RIMS2: variants seen among roughly 807,000 people sequenced by gnomAD.
The protein encoded by RIMS2 is regulating synaptic membrane exocytosis 2.
In RIMS2, 59 loss-of-function variants were observed where a neutral mutation model predicts 174.4. That is an observed-to-expected ratio of 0.34 (90% CI 0.27 to 0.42). RIMS2 has a LOEUF of 0.42. Ranked by LOEUF, RIMS2 falls within the 10% of genes least tolerant of loss-of-function variation. The pLI is 1.00. For missense variants in RIMS2, 1,620 were observed against 1,666.3 expected (o/e 0.97, Z 0.48); for synonymous variants, 606 against 572.5 (o/e 1.06, Z -0.84).
intron 14 of RIMS2, among the ~76,000 whole-genome samples, chr8:103,959,958 G>C (rs1004121744): frequency 1.3e-5 from 2 of 152,054 alleles, no homozygotes. Context: ...AGAAGCAAGA[G>C]CAAACACATT....
At chr8:103,568,807 C>T (rs777897230) in intron 1 of RIMS2, 28 of 1,126,532 alleles carry the variant, frequency 2.5e-5, no homozygotes, top group Non-Finnish European at 3.6e-5. Context: ...GCAATCAGTG[C>T]TATAAGAAGC....
chr8:103,952,091 G>A lies in RIMS2; in HGVS notation c.2702-8974G>A, dbSNP rs374838749. 2.5e-3 allele frequency among the ~76,000 whole-genome samples: 383 copies of A among 152,312 alleles called. 3 individuals are homozygous for A. Among genetic ancestry groups the A allele is most frequent in the South Asian group, 9.9e-3 (48 of 4,828 alleles). On this transcript the variant is annotated intron_variant, in intron 14 of 23. Coordinates refer to ENST00000504942, the Ensembl canonical transcript of RIMS2. The stretch of plus-strand genomic sequence containing the variant: ...TGGGAAGGGCATCTCTGAAAAAAAG[G>A]CAGCAGCCCCAGTCAGGGACTTACG...
intron 1 of RIMS2, among the ~76,000 whole-genome samples, chr8:103,520,944 C>T (rs147038068): frequency 3.0e-4 from 46 of 151,894 alleles, no homozygotes; most frequent in African/African-American, 9.7e-4. Context: ...TTTATCCTTG[C>T]GATAGTTTGC....
chr8:103,992,018 C>T (rs1272313007), intron 17 of RIMS2, among the ~76,000 whole-genome samples: 1 of 152,112 alleles, frequency 6.6e-6, no homozygotes, highest in Non-Finnish European at 1.5e-5. Context: ...AGGATATATT[C>T]ACTTGCAAAT....
intron 19 of RIMS2, among the ~76,000 whole-genome samples, chr8:104,145,857 A>G (rs1287805061): frequency 6.6e-6 from 1 of 151,478 alleles, no homozygotes; most frequent in Non-Finnish European, 1.5e-5. Flanking sequence ...GCGAAACTCC[A>G]TCTCAAAAAA....
intron 19 of RIMS2, among the ~76,000 whole-genome samples, chr8:104,197,123 TTTG>T (rs2099028700): frequency 6.6e-6 from 1 of 152,170 alleles, no homozygotes; most frequent in Admixed American, 6.5e-5. Context: ...GATGGTATGT[TTTG>T]TTCTTAGGTT....
At chr8:104,167,347 T>C (rs574909375) in intron 19 of RIMS2, among the ~76,000 whole-genome samples, 1 of 152,322 alleles carries the variant, frequency 6.6e-6, no homozygotes, top group African/African-American at 2.4e-5. Context: ...ATATTGTTTA[T>C]TGACTTTTTA....
chr8:104,208,930 G>A lies in RIMS2; in HGVS notation c.3335-35986G>A, dbSNP rs539250931. ...AAGTGAAGCTGAAAAGAAAAATTAC[G>A]TAATTTTAAGATTTAATACAGTCTA... On this transcript the variant is annotated intron_variant, in intron 19 of 23. Transcript: ENST00000504942. Among the ~76,000 whole-genome samples, 23 of 152,268 alleles carry A rather than the reference G, an allele frequency of 1.5e-4. No individual in the cohort carries two copies. The East Asian group carries it at 3.5e-3, about 23-fold the overall frequency.
chr8:103,587,810 A>G (rs933660894), intron 1 of RIMS2, among the ~76,000 whole-genome samples: 2 of 152,032 alleles, frequency 1.3e-5, no homozygotes, highest in Non-Finnish European at 2.9e-5. Flanking sequence ...ATACTGAATG[A>G]GGAACAACTG....
At chr8:104,003,507 A>G (rs539833841) in intron 17 of RIMS2, among the ~76,000 whole-genome samples, 233 of 151,288 alleles carry the variant, frequency 1.5e-3, no homozygotes, top group Non-Finnish European at 2.5e-3. Flanking sequence ...TCCACCTCCC[A>G]GGTTCAAGCG....
intron 3 of RIMS2, among the ~76,000 whole-genome samples, chr8:103,830,372 TA>T (rs2098817935): frequency 1.3e-5 from 2 of 152,202 alleles, no homozygotes; most frequent in Admixed American, 1.3e-4. Flanking sequence ...ACATTTAATT[TA>T]AAAATAAAAT....
chr8:104,172,764 G>C (rs1455382140), intron 19 of RIMS2, among the ~76,000 whole-genome samples: 1 of 152,210 alleles, frequency 6.6e-6, no homozygotes. Context: ...TGAAGATGTA[G>C]AAGAGGATAT....
chr8:103,801,863 C>T (rs2098610360), intron 3 of RIMS2, among the ~76,000 whole-genome samples: 1 of 152,190 alleles, frequency 6.6e-6, no homozygotes, highest in Non-Finnish European at 1.5e-5. Flanking sequence ...ATGCCAATAT[C>T]CAATGTCATA....
intron 1 of RIMS2, among the ~76,000 whole-genome samples, chr8:103,529,619 TCTGCACCCACGGTC>T (rs1333500779): frequency 1.3e-5 from 2 of 152,198 alleles, no homozygotes; most frequent in Non-Finnish European, 2.9e-5. Context: ...TGCTCGGTGC[TCTGCACCCACGGTC>T]CTGCACCCAC....
chr8:103,887,807 A>G (rs2154520522), intron 4 of RIMS2, among the ~76,000 whole-genome samples: 1 of 151,710 alleles, frequency 6.6e-6, no homozygotes, highest in African/African-American at 2.4e-5. Flanking sequence ...AAAATAACTA[A>G]CAAGAAATGA....
intron 4 of RIMS2, among the ~76,000 whole-genome samples, chr8:103,908,372 A>G (rs1179698462): frequency 1.3e-5 from 2 of 152,166 alleles, no homozygotes; most frequent in Non-Finnish European, 2.9e-5. Context: ...CCTTGACCAG[A>G]TTCCTTCTTA....
intron 17 of RIMS2, among the ~76,000 whole-genome samples, chr8:104,008,254 C>A (rs917734301): frequency 2.0e-5 from 3 of 151,870 alleles, no homozygotes; most frequent in African/African-American, 7.3e-5. Flanking sequence ...AATATGGGAA[C>A]CTATTTCATA....
At chr8:103,513,873 A>G (rs1354179518) in intron 1 of RIMS2, among the ~76,000 whole-genome samples, 2 of 152,324 alleles carry the variant, frequency 1.3e-5, no homozygotes, top group East Asian at 3.9e-4. Context: ...ACATAGATCA[A>G]TATTGGGGTC....
chr8:103,503,533 T>A (rs1563555154), intron 1 of RIMS2, among the ~76,000 whole-genome samples: 1 of 151,964 alleles, frequency 6.6e-6, no homozygotes, highest in Non-Finnish European at 1.5e-5. Flanking sequence ...CTTTGTTTCT[T>A]TTTAGTGCTG....
Sources: gnomAD v4.1 joint callset for allele counts (sites outside exome capture counted in the v4.1 genomes callset) on GRCh38, gnomAD v4.1.1 for gene constraint, MANE v1.5 for transcripts, NCBI Gene and HGNC (gene_info 2026-07-23, HGNC 2026-07-21) for gene names.